Variants in ZNF732 observed in about 807,000 individuals in gnomAD.
ZNF732 encodes the protein zinc finger protein 732.
In ZNF732, 12 loss-of-function variants were observed where a neutral mutation model predicts 11.5. That is an observed-to-expected ratio of 1.05 (90% CI 0.67 to 1.70). ZNF732 has a LOEUF of 1.70. Among genes scored for constraint, ZNF732 ranks in the 40% most tolerant of loss-of-function variants. The pLI is 0.00. For synonymous variants in ZNF732, 231 were observed against 236.5 expected (o/e 0.98, Z 0.21); for missense variants, 702 against 676.9 (o/e 1.04, Z -0.41).
chr4:276,195 CATTGTTA>C (rs1719491931), intron 3 of ZNF732, among the ~76,000 whole-genome samples: 1 of 151,656 alleles, frequency 6.6e-6, no homozygotes, highest in Non-Finnish European at 1.5e-5. Context: ...GTAAAACCAC[CATTGTTA>C]CACACAAACA....
intron 3 of ZNF732, among the ~76,000 whole-genome samples, chr4:286,828 T>C (rs1719740771): frequency 6.6e-6 from 1 of 152,162 alleles, no homozygotes; most frequent in African/African-American, 2.4e-5. Context: ...GATTGAATTA[T>C]ACAATACCTC....
intron 3 of ZNF732, among the ~76,000 whole-genome samples, chr4:279,652 TAACTC>T (rs1227344303): frequency 6.6e-6 from 1 of 152,160 alleles, no homozygotes; most frequent in South Asian, 2.1e-4. Flanking sequence ...TAAATGTACT[TAACTC>T]CACTAGGCTG....
chr4:299,433 GTGTATATATATATATA>G lies in ZNF732; in HGVS notation c.4-3294_4-3279del, dbSNP rs1720045157. 6.6e-5 allele frequency among the ~76,000 whole-genome samples: 4 copies of G among 60,768 alleles called. No individual in the cohort carries two copies. The South Asian group carries it at 2.0e-3, about 31-fold the overall frequency. The allele number at this position is 60,768 out of a possible 152,430, so 39.9% of individuals were successfully genotyped here. ...TATATATACACATATATACACATAT[GTGTATATATATATATA>G]TACACATATGTGTATATATATATAC... On this transcript the variant is annotated intron_variant, in intron 1 of 3. Coordinates refer to ENST00000419098, the MANE Select transcript of ZNF732 (RefSeq NM_001137608.3).
rs1486910278 is a variant in ZNF732, at chr4:271,831, G to C, written c.1026C>G (p.Ala342=). 1 of 1,613,366 alleles carries C rather than the reference G, an allele frequency of 6.2e-7. No homozygotes were observed. The highest frequency in any genetic ancestry group is 1.3e-5 in the African/African-American group (1 of 74,904). The change falls in exon 4 of 4, where the codon GCC becomes GCG. Residue 342 remains alanine (A), a synonymous_variant. Coordinates refer to ENST00000419098, the MANE Select transcript of ZNF732 (RefSeq NM_001137608.3). The part of the protein sequence containing the change: ...KPYTCEECGK[A]FSRSSVLNEH... Reference sequence around the variant, plus strand: ...CATTCAGAACTGAGGACCTACTAAAGGCTTTGCCACATTCTTCACATGTGT... The same window carrying C: ...CATTCAGAACTGAGGACCTACTAAACGCTTTGCCACATTCTTCACATGTGT...
chr4:295,803 C>T (rs1304450071), intron 2 of ZNF732, among the ~76,000 whole-genome samples: 1 of 152,028 alleles, frequency 6.6e-6, no homozygotes, highest in Non-Finnish European at 1.5e-5. Flanking sequence ...CGAGAATTAC[C>T]ACTAACCTAA....
chr4:287,108 G>A (rs1000035875), intron 3 of ZNF732, among the ~76,000 whole-genome samples: 16 of 152,184 alleles, frequency 1.1e-4, no homozygotes, highest in Non-Finnish European at 2.4e-4. Context: ...CCAAGATGGC[G>A]CCACTGCACT....
At chr4:293,695 G>A (rs1254829251) in intron 3 of ZNF732, among the ~76,000 whole-genome samples, 4 of 151,934 alleles carry the variant, frequency 2.6e-5, no homozygotes, top group Non-Finnish European at 5.9e-5. Flanking sequence ...GGCCTTAAGT[G>A]TTCTTATTAC....
rs782569997 is a variant in ZNF732, at chr4:272,366, G to C, written c.491C>G (p.Thr164Ser). The change falls in exon 4 of 4, where the codon ACT (threonine) becomes AGT (serine). Residue 164 changes from threonine to serine, a missense_variant. Around this residue, in one of 3 missense-constraint regions of ZNF732, gnomAD observed 596 missense variants for 557.9 expected, o/e 1.07. Coordinates refer to ENST00000419098, the MANE Select transcript of ZNF732 (RefSeq NM_001137608.3). ...SNSNQRRIRH[T>S]GEKHFKECGK... ...ACATTCTTTAAAGTGTTTCTCTCCA[G>C]TATGTCTTATCCTACGTTGGTTTGA... 6.2e-7 allele frequency: 1 copy of C among 1,605,212 alleles called. No homozygotes were observed. Among genetic ancestry groups the C allele is most frequent in the Admixed American group, 1.7e-5 (1 of 58,244 alleles).
chr4:305,277 C>CA lies in ZNF732; in HGVS notation c.3+30dup, dbSNP rs781992062. 12 of 1,603,630 alleles carry CA rather than the reference C, an allele frequency of 7.5e-6. No homozygotes were observed. In the South Asian group the frequency reaches 1.3e-4, roughly 18 times the overall value. On this transcript the variant is annotated intron_variant, in intron 1 of 3. Coordinates refer to ENST00000419098, the MANE Select transcript of ZNF732 (RefSeq NM_001137608.3). ...CCCGCCGGTTCGGATGAGGCCTCCC[C>CA]AGCCTTGGGACGCCCTGCCCCCACA...
At chr4:298,455 G>A (rs1720009017) in intron 1 of ZNF732, among the ~76,000 whole-genome samples, 1 of 151,620 alleles carries the variant, frequency 6.6e-6, no homozygotes, top group South Asian at 2.1e-4. Flanking sequence ...ACTCTTATTT[G>A]GGTACAAACC....
Position 305,390 on chromosome 4 carries a change from G to C in ZNF732, c.-80C>G. ...AGGTCACAGAGCGACGGAGGCTGAG[G>C]CTGTGACCGAATCACCGACGCCTCC... On this transcript the variant is annotated 5_prime_UTR_variant, in exon 1 of 4. Transcript: ENST00000419098. The C allele has an allele frequency of 6.3e-7, 1 of 1,586,686 alleles. No individual in the cohort carries two copies. The highest frequency in any genetic ancestry group is 1.1e-5 in the South Asian group (1 of 90,614).
At chr4:299,101 G>A (rs960460075) in intron 1 of ZNF732, among the ~76,000 whole-genome samples, 3 of 151,998 alleles carry the variant, frequency 2.0e-5, no homozygotes, top group Non-Finnish European at 4.4e-5. Flanking sequence ...CAGTTTTTAT[G>A]TGCATATTCT....
At chr4:281,792 A>G (rs1314703898) in intron 3 of ZNF732, among the ~76,000 whole-genome samples, 2 of 152,256 alleles carry the variant, frequency 1.3e-5, no homozygotes, top group South Asian at 2.1e-4. Flanking sequence ...CTCATGAATT[A>G]TGAAGGATCA....
At position 271,103 on chromosome 4, in the gene ZNF732, A is replaced by T; in HGVS notation, c.1754T>A (p.Leu585His). 1.3e-6 allele frequency: 2 copies of T among 1,496,770 alleles called. No individual in the cohort carries two copies. The highest frequency in any genetic ancestry group is 1.8e-6 in the Non-Finnish European group (2 of 1,125,204). 92.7% of individuals were successfully genotyped at this position (1,496,770 alleles called of 1,614,324 possible). ...QHNKIYTGEKL is the reference protein window; with the variant it reads ...QHNKIYTGEKH ...TTTGCCACATTCTTCATATTTCTAGAGTTTCTCTCCAGTATAAATTTTATT... is the reference window on the plus strand; with the variant it reads ...TTTGCCACATTCTTCATATTTCTAGTGTTTCTCTCCAGTATAAATTTTATT... Residue 585 changes from leucine (L) to histidine (H), a missense_variant, in exon 4 of 4, where the codon CTC (leucine) becomes CAC (histidine). Leu to His is a moderately conservative substitution (Grantham distance 99, BLOSUM62 -3). This residue lies in a region of ZNF732 where 94 missense variants were observed against 87.5 expected (regional missense o/e 1.07). Coordinates refer to ENST00000419098, the MANE Select transcript of ZNF732 (RefSeq NM_001137608.3).
chr4:294,703 T>G (rs1272587624), intron 3 of ZNF732, among the ~76,000 whole-genome samples: 1 of 152,236 alleles, frequency 6.6e-6, no homozygotes, highest in African/African-American at 2.4e-5. Flanking sequence ...TCATCAGCTA[T>G]CATTAGTATT....
intron 3 of ZNF732, among the ~76,000 whole-genome samples, chr4:277,949 T>A (rs1372122247): frequency 6.6e-6 from 1 of 152,162 alleles, no homozygotes; most frequent in Non-Finnish European, 1.5e-5. Context: ...AAAACACTAT[T>A]TATAGCCAAG....
In ZNF732 at chr4:271,525, T is replaced by G. The variant is rs1465101441; in HGVS notation, c.1332A>C (p.Lys444Asn). ...NKHKIIHTGE[K>N]PYKCEECGKA... ...TGCCACACTCTTCACATTTGTAAGG[T>G]TTCTCTCCAGTATGAATTATCTTAT... Residue 444 changes from lysine (K) to asparagine (N), a missense_variant, in exon 4 of 4, where the codon AAA (lysine) becomes AAC (asparagine). Physicochemically the swap from Lys to Asn is moderately conservative, Grantham distance 94. Around this residue, in one of 3 missense-constraint regions of ZNF732, gnomAD observed 596 missense variants for 557.9 expected, o/e 1.07. Transcript: ENST00000419098. The G allele has an allele frequency of 6.2e-7, 1 of 1,611,276 alleles. No homozygotes were observed. The highest frequency in any genetic ancestry group is 1.7e-4 in the Middle Eastern group (1 of 6,014).
At chr4:283,831 A>C (rs1346620135) in intron 3 of ZNF732, among the ~76,000 whole-genome samples, 1 of 152,230 alleles carries the variant, frequency 6.6e-6, no homozygotes, top group East Asian at 1.9e-4. Flanking sequence ...TCTCTAGCAT[A>C]CATCATAAAT....
chr4:278,866 C>A (rs1483028640), intron 3 of ZNF732, among the ~76,000 whole-genome samples: 15 of 152,130 alleles, frequency 9.9e-5, no homozygotes, highest in African/African-American at 3.4e-4. Context: ...CTCTGGAGCC[C>A]AGGCTATTGC....
Sources: allele counts gnomAD v4.1 joint callset (sites outside exome capture counted in the v4.1 genomes callset), GRCh38; gene constraint gnomAD v4.1.1; regional missense constraint gnomAD v4.1.1; transcripts MANE v1.5; gene names NCBI Gene and HGNC (gene_info 2026-07-23, HGNC 2026-07-21).